Variants in TEX36 observed in about 807,000 individuals in gnomAD.
The protein encoded by TEX36 is testis-expressed protein 36.
TEX36 carries 12 observed loss-of-function variants against 13.6 expected under a neutral mutation model. That is an observed-to-expected ratio of 0.88 (90% confidence interval 0.56 to 1.43). The LOEUF is 1.43. Ranked by LOEUF, TEX36 falls within the 40% of genes most tolerant of loss-of-function variation. The pLI is 0.00. For missense variants in TEX36, 224 were observed against 228.3 expected (o/e 0.98, Z 0.12); for synonymous variants, 93 against 83.0 (o/e 1.12, Z -0.65).
At chr10:125,652,700 A>G (rs1031885302), downstream of TEX36, among the ~76,000 whole-genome samples, 24 of 152,218 alleles carry the variant, frequency 1.6e-4, no homozygotes, top group African/African-American at 5.8e-4. Context: ...TGAACAGGCA[A>G]CCTACAGAAT....
chr10:125,604,500 AC>A (rs113180086), intron 3 of TEX36, among the ~76,000 whole-genome samples: 6,157 of 150,666 alleles, frequency 0.041, 362 homozygotes, highest in African/African-American at 0.14. Context: ...ACATCATGAG[AC>A]CCCTGTCTCT....
At chr10:125,660,955 C>T (rs1847026418) in intron 3 of TEX36, 66 bp downstream of exon 3, 7 of 1,388,896 alleles carry the variant, frequency 5.0e-6, no homozygotes, top group Non-Finnish European at 7.0e-6. Context: ...CTTCAACACA[C>T]CCCAGAAAAT....
In TEX36 at chr10:125,683,149, G is replaced by A; in HGVS notation, c.-160C>T. ...CTTTACTTCTCAGCCTCTTCCAGGAGGGGAAGGTGCGGGTGCCCATTGTTG... is the reference window on the plus strand; with the variant it reads ...CTTTACTTCTCAGCCTCTTCCAGGAAGGGAAGGTGCGGGTGCCCATTGTTG... On this transcript the variant is annotated 5_prime_UTR_variant, in exon 1 of 4. Coordinates refer to ENST00000368821, the MANE Select transcript of TEX36 (RefSeq NM_001128202.3). The A allele has an allele frequency of 1.2e-6, 1 of 831,124 alleles. No individual in the cohort carries two copies. The highest frequency in any genetic ancestry group is 2.2e-5 in the Admixed American group (1 of 46,222). The allele number at this position is 831,124 out of a possible 1,614,324, so 51.5% of individuals were successfully genotyped here. A position where few individuals can be genotyped will look rare whatever the true frequency, so the allele number is the denominator to read the frequency against.
intron 3 of TEX36, among the ~76,000 whole-genome samples, chr10:125,599,335 G>A (rs1846118434): frequency 6.6e-6 from 1 of 152,204 alleles, no homozygotes; most frequent in Non-Finnish European, 1.5e-5. Flanking sequence ...AGGACCAGCT[G>A]ACACCAGTGC....
At chr10:125,613,872 G>T (rs1178943926) in intron 3 of TEX36, among the ~76,000 whole-genome samples, 1 of 152,162 alleles carries the variant, frequency 6.6e-6, no homozygotes, top group African/African-American at 2.4e-5. Flanking sequence ...TTCCACACTG[G>T]TTGAACTAGT....
chr10:125,651,100 C>A (rs2133585009), downstream of TEX36, among the ~76,000 whole-genome samples: 1 of 152,314 alleles, frequency 6.6e-6, no homozygotes, highest in East Asian at 1.9e-4. Context: ...CCTTCAGAAA[C>A]AATTCCAATC....
At chr10:125,678,557 T>G (rs1589792156) in intron 1 of TEX36, among the ~76,000 whole-genome samples, 1 of 151,912 alleles carries the variant, frequency 6.6e-6, no homozygotes, top group Non-Finnish European at 1.5e-5. Context: ...GGCAGGTGGG[T>G]GGGTTCTCAG....
At chr10:125,654,642 CTA>C (rs1846912463), downstream of TEX36, among the ~76,000 whole-genome samples, 2 of 152,048 alleles carry the variant, frequency 1.3e-5, no homozygotes, top group Admixed American at 1.3e-4. Flanking sequence ...CATTGTCAGT[CTA>C]TAGAAAGGAA....
At chr10:125,649,964 G>A (rs1269187137) in intron 3 of TEX36, among the ~76,000 whole-genome samples, 1 of 152,170 alleles carries the variant, frequency 6.6e-6, no homozygotes, top group Non-Finnish European at 1.5e-5. Flanking sequence ...AAATATATAT[G>A]CACCCAATAC....
chr10:125,667,547 C>A, intron 1 of TEX36: 1 of 737,266 alleles, frequency 1.4e-6, no homozygotes. Flanking sequence ...GTACTGGGCA[C>A]AGCACTCAGA....
At chr10:125,621,628 C>A (rs775372204) in exon 4 of TEX36, 3 of 455,948 alleles carry the variant, frequency 6.6e-6, no homozygotes, top group South Asian at 3.1e-5. Context: ...AGAAGTCCCA[C>A]GATAGGCCAT....
chr10:125,603,239 T>G (rs568851775), intron 3 of TEX36, among the ~76,000 whole-genome samples: 1 of 152,320 alleles, frequency 6.6e-6, no homozygotes, highest in Non-Finnish European at 1.5e-5. Flanking sequence ...CAGGAAGGGA[T>G]GGTTCCCTTA....
At chr10:125,624,898 G>T (rs1276316080) in intron 3 of TEX36, among the ~76,000 whole-genome samples, 3 of 152,104 alleles carry the variant, frequency 2.0e-5, no homozygotes, top group Admixed American at 2.0e-4. Context: ...GGGCACAAAG[G>T]CGGGCACAGA....
chr10:125,620,277 A>G (rs1440790995), downstream of TEX36, among the ~76,000 whole-genome samples: 5 of 152,326 alleles, frequency 3.3e-5, no homozygotes, highest in Non-Finnish European at 7.3e-5. Context: ...TTAAATTATA[A>G]TAATAAAAAT....
At chr10:125,610,658 A>AT (rs546509009) in intron 3 of TEX36, among the ~76,000 whole-genome samples, 1 of 152,024 alleles carries the variant, frequency 6.6e-6, no homozygotes, top group Admixed American at 6.5e-5. Flanking sequence ...TCATGTACAG[A>AT]TTTTTTTTAA....
intron 3 of TEX36, among the ~76,000 whole-genome samples, chr10:125,640,623 AT>A (rs1846676533): frequency 6.6e-6 from 1 of 152,158 alleles, no homozygotes; most frequent in Non-Finnish European, 1.5e-5. Context: ...GCATTTTCCC[AT>A]CCTCAACATG....
At chr10:125,667,406 C>T in intron 1 of TEX36, 1 of 662,574 alleles carries the variant, frequency 1.5e-6, no homozygotes. Flanking sequence ...GGGCACAATG[C>T]CACTCTGCTA....
chr10:125,587,786 T>TAAAAAAAAAAAA (rs56198506), intron 3 of TEX36, among the ~76,000 whole-genome samples: 1 of 101,898 alleles, frequency 9.8e-6, no homozygotes, highest in Non-Finnish European at 2.0e-5. Flanking sequence ...GTCTCAAAAT[T>TAAAAAAAAAAAA]AAAAAAAAAA....
chr10:125,630,939 G>T (rs191189122), intron 3 of TEX36, among the ~76,000 whole-genome samples: 1 of 152,224 alleles, frequency 6.6e-6, no homozygotes. Flanking sequence ...AGGGGGTCAG[G>T]CTCCAGGGAA....
Sources: gnomAD v4.1 joint callset for allele counts (sites outside exome capture counted in the v4.1 genomes callset) on GRCh38, gnomAD v4.1.1 for gene constraint, MANE v1.5 for transcripts, NCBI Gene and HGNC (gene_info 2026-07-23, HGNC 2026-07-21) for gene names.